Variants in RAB38 observed in about 807,000 individuals in gnomAD.
RAB38 encodes ras-related protein Rab-38.
In RAB38, 15 loss-of-function variants were observed where a neutral mutation model predicts 18.4. The observed-to-expected ratio is 0.82, with a 90% CI of 0.55 to 1.26. The LOEUF is 1.26. Ranked by LOEUF, RAB38 falls within the 50% of genes most tolerant of loss-of-function variation. The probability of loss-of-function intolerance (pLI) is 0.00; values close to 1 mark genes in which losing one functional copy is unlikely to be tolerated. For synonymous variants in RAB38, 101 were observed against 104.4 expected, an observed-to-expected ratio of 0.97 and a Z score of 0.20; for missense variants, 294 against 267.4, an observed-to-expected ratio of 1.10 and a Z score of -0.69.
the RAB38 span, among the ~76,000 whole-genome samples, chr11:87,966,359 C>A: frequency 6.6e-6 from 1 of 152,066 alleles, no homozygotes; most frequent in South Asian, 2.1e-4. Context: ...CTAGACACAG[C>A]CCATACTCAT....
rs550197979 is a variant in RAB38 at position 88,137,528 on chromosome 11, C to T, written c.483+12147G>A. Among the ~76,000 whole-genome samples the T allele has an allele frequency of 5.3e-5, 8 of 151,892 alleles. No individual in the cohort carries two copies. The East Asian group carries it at 1.4e-3, about 26-fold the overall frequency. Reference sequence around the variant, plus strand: ...CAGCAAACTAATAAACAGAATAAAACAAAAATTGCTAAAGTGCTGAAAATA... The same window carrying T: ...CAGCAAACTAATAAACAGAATAAAATAAAAATTGCTAAAGTGCTGAAAATA... On this transcript the variant is annotated intron_variant, in intron 2 of 2. Transcript: ENST00000243662.
At chr11:88,032,539 A>T in the RAB38 span, among the ~76,000 whole-genome samples, 1 of 152,218 alleles carries the variant, frequency 6.6e-6, no homozygotes, top group Non-Finnish European at 1.5e-5. Context: ...AGAAAAAAAC[A>T]AACAACCCCA....
chr11:88,164,383 G>C (rs1943223759), intron 1 of RAB38, among the ~76,000 whole-genome samples: 1 of 152,010 alleles, frequency 6.6e-6, no homozygotes, highest in Admixed American at 6.6e-5. Context: ...GTAGTTCACA[G>C]TGTTAACACT....
intron 2 of RAB38, among the ~76,000 whole-genome samples, chr11:88,146,466 T>A (rs549317192): frequency 6.6e-6 from 1 of 152,008 alleles, no homozygotes; most frequent in Non-Finnish European, 1.5e-5. Flanking sequence ...AAAAGAAGGA[T>A]ACCTATGGGA....
the RAB38 span, among the ~76,000 whole-genome samples, chr11:87,917,529 G>GT: frequency 0.01 from 756 of 72,852 alleles, 15 homozygotes; most frequent in African/African-American, 0.021. Flanking sequence ...TCACTGAAGT[G>GT]TTTTTTTTTT....
the RAB38 span, among the ~76,000 whole-genome samples, chr11:87,893,390 A>ATTTTTTTTTTT: frequency 4.0e-4 from 38 of 93,890 alleles, no homozygotes; most frequent in Non-Finnish European, 6.6e-4. Flanking sequence ...ATATATATAT[A>ATTTTTTTTTTT]TTTTTTTTTT....
the RAB38 span, among the ~76,000 whole-genome samples, chr11:87,918,561 G>A: frequency 6.6e-6 from 1 of 151,920 alleles, no homozygotes; most frequent in African/African-American, 2.4e-5. Context: ...TGTCACATAA[G>A]ACCAAAGCCA....
chr11:87,842,324 A>G, the RAB38 span, among the ~76,000 whole-genome samples: 3 of 152,140 alleles, frequency 2.0e-5, no homozygotes, highest in African/African-American at 7.2e-5. Flanking sequence ...GATAAAGAAG[A>G]AAAAATAAGA....
chr11:87,965,270 A>G, the RAB38 span, among the ~76,000 whole-genome samples: 4 of 146,056 alleles, frequency 2.7e-5, no homozygotes, highest in Admixed American at 7.0e-5. Flanking sequence ...TCAGGTAAAC[A>G]TCATCTGTTA....
At chr11:88,173,165 T>C (rs1375011075) in intron 1 of RAB38, among the ~76,000 whole-genome samples, 1 of 152,162 alleles carries the variant, frequency 6.6e-6, no homozygotes, top group East Asian at 1.9e-4. Flanking sequence ...AAAATATATA[T>C]GTAATATTGG....
the RAB38 span, among the ~76,000 whole-genome samples, chr11:87,832,746 T>C: frequency 1.3e-5 from 2 of 151,826 alleles, no homozygotes; most frequent in African/African-American, 4.8e-5. Context: ...TTTTAAGAAC[T>C]CCTGACTAGA....
At chr11:87,977,937 A>ATT in the RAB38 span, among the ~76,000 whole-genome samples, 2 of 113,616 alleles carry the variant, frequency 1.8e-5, no homozygotes, top group African/African-American at 7.1e-5. Flanking sequence ...ACACCTTTAT[A>ATT]TAATATATTA....
At chr11:87,914,472 G>A in the RAB38 span, among the ~76,000 whole-genome samples, 1 of 152,076 alleles carries the variant, frequency 6.6e-6, no homozygotes, top group African/African-American at 2.4e-5. Context: ...GAAGTGGTAT[G>A]GTTACTTTTC....
At chr11:87,879,826 C>T in the RAB38 span, 3 of 151,544 alleles carry the variant, frequency 2.0e-5, no homozygotes, top group Admixed American at 6.6e-5. Context: ...AATGGTATCT[C>T]CTCACATTGT....
intron 2 of RAB38, among the ~76,000 whole-genome samples, chr11:88,148,044 T>G (rs1209531787): frequency 6.6e-6 from 1 of 151,350 alleles, no homozygotes; most frequent in Non-Finnish European, 1.5e-5. Flanking sequence ...TCAAAGAGAG[T>G]CAAGAAATAT....
rs2134765541 is a variant in RAB38, at chr11:88,113,573, G to A, written c.*415C>T. ...CACATCTACTTAATAGGCCTGTCAG[G>A]CCATCAGAGAATATACTGAAATCTG... On this transcript the variant is annotated 3_prime_UTR_variant, in exon 3 of 3. Transcript: ENST00000243662. The A allele has an allele frequency of 1.1e-5, 2 of 175,880 alleles. No homozygotes were observed. The highest frequency in any genetic ancestry group is 2.9e-4 in the South Asian group (2 of 6,998). 10.9% of individuals were successfully genotyped at this position (175,880 alleles called of 1,614,324 possible). A position where few individuals can be genotyped will look rare whatever the true frequency, so the allele number is the denominator to read the frequency against.
the RAB38 span, among the ~76,000 whole-genome samples, chr11:88,032,310 A>C: frequency 3.9e-5 from 6 of 152,368 alleles, 1 homozygote; most frequent in Admixed American, 3.9e-4. Flanking sequence ...TATTCAGGAC[A>C]TAGGCATGGG....
the RAB38 span, among the ~76,000 whole-genome samples, chr11:87,954,724 C>A: frequency 6.6e-6 from 1 of 152,072 alleles, no homozygotes; most frequent in South Asian, 2.1e-4. Flanking sequence ...GCTTCAACCA[C>A]AGTGGCAGGA....
chr11:88,124,898 T>G (rs1321552399), intron 2 of RAB38, among the ~76,000 whole-genome samples: 1 of 152,240 alleles, frequency 6.6e-6, no homozygotes, highest in Non-Finnish European at 1.5e-5. Flanking sequence ...CAGGCACTAT[T>G]CATCAAAGGC....
Sources: allele counts gnomAD v4.1 joint callset (sites outside exome capture counted in the v4.1 genomes callset), GRCh38; gene constraint gnomAD v4.1.1; transcripts MANE v1.5; gene names NCBI Gene and HGNC (gene_info 2026-07-23, HGNC 2026-07-21).